MAML1: variants seen among roughly 807,000 people sequenced by gnomAD.
MAML1 encodes the protein mastermind like transcriptional coactivator 1.
In MAML1, 14 loss-of-function variants were observed where a neutral mutation model predicts 77.1. That is an observed-to-expected ratio of 0.18 (90% confidence interval 0.12 to 0.28). The LOEUF is 0.28. MAML1 is among the 10% of genes least tolerant of loss of function. MAML1 has a pLI of 1.00. For synonymous variants in MAML1, 516 were observed against 551.9 expected, an observed-to-expected ratio of 0.93 and a Z score of 0.91; for missense variants, 1,217 against 1,327.8, an observed-to-expected ratio of 0.92 and a Z score of 1.30.
chr5:179,766,445 G>A lies in MAML1; in HGVS notation c.1435G>A (p.Gly479Ser). Residue 479 changes from glycine (G) to serine (S), a missense_variant, in exon 2 of 5, where the codon GGC (glycine) becomes AGC (serine). By Grantham distance (56) the Gly-to-Ser change is moderately conservative. Coordinates refer to ENST00000292599, the MANE Select transcript of MAML1 (RefSeq NM_014757.5). This position sits in a 1 kb window ranked among gnomAD's most constrained non-coding sequence, Gnocchi z 4.0. ...GAATAAGAGTTCCCCTCGGCCCGGA[G>A]GCCCCTACCTCCAGCCCAGCCATGT... ...SVNKSSPRPG[G>S]PYLQPSHVNL... The A allele has an allele frequency of 6.2e-7, 1 of 1,612,816 alleles. No homozygotes were observed. Among genetic ancestry groups the A allele is most frequent in the Non-Finnish European group, 8.5e-7 (1 of 1,179,380 alleles).
intron 1 of MAML1, among the ~76,000 whole-genome samples, chr5:179,764,553 T>C (rs750538274): frequency 1.3e-5 from 2 of 151,688 alleles, no homozygotes; most frequent in African/African-American, 4.8e-5. Context: ...CCAGCTACTC[T>C]GGAGGCTGAG....
chr5:179,758,207 G>A (rs1006101242), intron 1 of MAML1, among the ~76,000 whole-genome samples: 2 of 152,208 alleles, frequency 1.3e-5, no homozygotes, highest in Middle Eastern at 3.4e-3. Flanking sequence ...CTATGTCCTC[G>A]ACAAGTGGAT....
chr5:179,748,381 C>T (rs1251579766), intron 1 of MAML1, among the ~76,000 whole-genome samples: 1 of 147,984 alleles, frequency 6.8e-6, no homozygotes, highest in Non-Finnish European at 1.5e-5. Context: ...TGCACCCAGC[C>T]GACTACTGTA....
intron 1 of MAML1, among the ~76,000 whole-genome samples, chr5:179,735,077 T>C (rs1290397539): frequency 2.0e-5 from 3 of 152,334 alleles, no homozygotes; most frequent in African/African-American, 7.2e-5. Context: ...TAATGCTAGA[T>C]GACGAGTTAG....
Position 179,761,097 on chromosome 5 carries a change from A to AAAAAAG in MAML1, c.316-4225_316-4224insAGAAAA, listed in dbSNP as rs1554151103. On this transcript the variant is annotated intron_variant, in intron 1 of 4. Coordinates refer to ENST00000292599, the MANE Select transcript of MAML1 (RefSeq NM_014757.5). ...TGACAGAGCGAGTCTCCGTCTCAAA[A>AAAAAAG]AAAAGATGGAAGGAGGCCAGGTGCA... 1.4e-3 allele frequency among the ~76,000 whole-genome samples: 205 copies of AAAAAAG among 151,420 alleles called. 2 individuals carry two copies. Among genetic ancestry groups the AAAAAAG allele is most frequent in the African/African-American group, 4.8e-3 (196 of 41,152 alleles).
chr5:179,761,965 A>C (rs1779732730), intron 1 of MAML1, among the ~76,000 whole-genome samples: 3 of 152,134 alleles, frequency 2.0e-5, no homozygotes. Flanking sequence ...TTTGGCTGAC[A>C]GGAAGATGAT....
Position 179,765,839 on chromosome 5 carries a change from GAGA to G in MAML1, c.835_837del (p.Lys279del). 6.2e-7 allele frequency: 1 copy of G among 1,614,178 alleles called. No homozygotes were observed. The highest frequency in any genetic ancestry group is 2.2e-5 in the East Asian group (1 of 44,878). ...GGACCTGTTTAATGAGGACTTCGAG[GAGA>G]AGAAGGACCCAGAGTCTTCTGGCTC... On this transcript the variant is annotated inframe_deletion, in exon 2 of 5. Coordinates refer to ENST00000292599, the MANE Select transcript of MAML1 (RefSeq NM_014757.5).
intron 1 of MAML1, among the ~76,000 whole-genome samples, chr5:179,759,499 A>G (rs1165181310): frequency 6.6e-6 from 1 of 152,234 alleles, no homozygotes; most frequent in East Asian, 1.9e-4. Context: ...TTCTTCCTAC[A>G]GCACTTGGTT....
At chr5:179,735,797 C>G (rs934274773) in intron 1 of MAML1, among the ~76,000 whole-genome samples, 5 of 152,124 alleles carry the variant, frequency 3.3e-5, no homozygotes, top group Non-Finnish European at 4.4e-5. Context: ...AAGCGATTCT[C>G]CTGCCTCAGC....
intron 1 of MAML1, among the ~76,000 whole-genome samples, chr5:179,743,277 C>T (rs1432787171): frequency 6.6e-6 from 1 of 151,690 alleles, no homozygotes; most frequent in South Asian, 2.1e-4. Context: ...GTCTCGAACT[C>T]CCGGCCTCAG....
intron 1 of MAML1, among the ~76,000 whole-genome samples, chr5:179,757,539 G>A (rs1032751854): frequency 2.6e-5 from 4 of 152,036 alleles, no homozygotes; most frequent in African/African-American, 9.7e-5. Flanking sequence ...CTGGACTCCA[G>A]CCTGGGTGAC....
chr5:179,775,751 G>A lies in MAML1; in HGVS notation c.*874G>A. ...TCTGAACATGTATGTTGCCCATGGT[G>A]GGAGCGTGGTCACTGTGCAGTTGTG... is the stretch of plus-strand genomic sequence containing the variant. On this transcript the variant is annotated 3_prime_UTR_variant, in exon 5 of 5. Transcript: ENST00000292599. 1 of 985,490 alleles carries A rather than the reference G, an allele frequency of 1.0e-6. No homozygotes were observed. Among genetic ancestry groups the A allele is most frequent in the Non-Finnish European group, 1.2e-6 (1 of 829,966 alleles). The allele number at this position is 985,490 out of a possible 1,614,324, so 61.0% of individuals were successfully genotyped here. A position where few individuals can be genotyped will look rare whatever the true frequency, so the allele number is the denominator to read the frequency against.
chr5:179,733,806 C>T (rs1416110403), intron 1 of MAML1, among the ~76,000 whole-genome samples: 1 of 152,214 alleles, frequency 6.6e-6, no homozygotes, highest in Non-Finnish European at 1.5e-5. Flanking sequence ...ATTTATTCTG[C>T]AAATGTTTAT....
intron 1 of MAML1, among the ~76,000 whole-genome samples, chr5:179,736,537 C>T (rs150353544): frequency 5.1e-3 from 782 of 152,218 alleles, no homozygotes; most frequent in Admixed American, 8.8e-3. Context: ...AGGCATGAGC[C>T]GCCACGCTTG....
At chr5:179,763,221 G>T in intron 1 of MAML1, among the ~76,000 whole-genome samples, 1 of 152,198 alleles carries the variant, frequency 6.6e-6, no homozygotes, top group East Asian at 1.9e-4. Context: ...TATTTCCTCT[G>T]ACCATTTAAA....
chr5:179,746,793 A>G (rs1397132841), intron 1 of MAML1, among the ~76,000 whole-genome samples: 1 of 152,256 alleles, frequency 6.6e-6, no homozygotes, highest in Non-Finnish European at 1.5e-5. Flanking sequence ...TTGAAAACTA[A>G]GAATTAGAAA....
At chr5:179,767,664 G>A (rs548520006) in intron 2 of MAML1, among the ~76,000 whole-genome samples, 16 of 152,298 alleles carry the variant, frequency 1.1e-4, no homozygotes, top group East Asian at 1.9e-4. Flanking sequence ...GTCTCACGCC[G>A]TTCAGCACCC....
At chr5:179,742,124 C>A (rs1029719279) in intron 1 of MAML1, among the ~76,000 whole-genome samples, 1 of 149,552 alleles carries the variant, frequency 6.7e-6, no homozygotes, top group African/African-American at 2.4e-5. Context: ...CCACCCGCCT[C>A]GGTCTCCCAA....
intron 1 of MAML1, 101 bp from the exon 2 acceptor site, chr5:179,765,225 C>G (rs1274124123): frequency 7.1e-6 from 7 of 989,118 alleles, no homozygotes; most frequent in Non-Finnish European, 1.1e-5. Context: ...GCAAGCAGAA[C>G]CCACTGGCGA....
Sources: allele counts gnomAD v4.1 joint callset (sites outside exome capture counted in the v4.1 genomes callset), GRCh38; gene constraint gnomAD v4.1.1; non-coding constraint Gnocchi (gnomAD v3.1); transcripts MANE v1.5; gene names NCBI Gene and HGNC (gene_info 2026-07-23, HGNC 2026-07-21).